The following CDKN2C variants were observed in gnomAD, a reference collection of about 807,000 sequenced individuals.
The protein encoded by CDKN2C is cyclin-dependent kinase 4 inhibitor C.
A neutral mutation model predicts 11.0 loss-of-function variants in CDKN2C; 5 were observed. The ratio of observed to expected loss-of-function variants is 0.45; its 90% CI spans 0.24 to 0.95. The LOEUF (loss-of-function observed/expected upper bound fraction) is 0.95, where lower values mean the gene tolerates loss of function less well. Ranked by LOEUF, CDKN2C falls within the 40% of genes least tolerant of loss-of-function variation. CDKN2C has a pLI of 0.21. For synonymous variants in CDKN2C, 79 were observed against 88.3 expected (o/e 0.89, Z 0.59); for missense variants, 161 against 211.9 (o/e 0.76, Z 1.49).
upstream of CDKN2C, among the ~76,000 whole-genome samples, chr1:50,966,307 T>C (rs990671693): frequency 2.6e-5 from 4 of 152,154 alleles, no homozygotes; most frequent in Non-Finnish European, 5.9e-5. Flanking sequence ...CCTCCCAAAA[T>C]GCTGGGATTA....
At chr1:50,970,071 G>A (rs1645371333), upstream of CDKN2C, 1 of 487,952 alleles carries the variant, frequency 2.0e-6, no homozygotes, top group Middle Eastern at 5.8e-4. Flanking sequence ...GAATGTATGT[G>A]TGTCTGTGTG....
upstream of CDKN2C, among the ~76,000 whole-genome samples, chr1:50,966,815 A>G (rs575813344): frequency 1.3e-4 from 19 of 151,848 alleles, no homozygotes; most frequent in Admixed American, 5.9e-4. Flanking sequence ...TGGGAAAAAA[A>G]TCAGAACTTT....
rs3176475 is a variant in CDKN2C at position 50,974,556 on chromosome 1, A to G, written c.*286A>G. On this transcript the variant is annotated 3_prime_UTR_variant, in exon 2 of 2. Transcript: ENST00000371761. Reference sequence around the variant, plus strand: ...CCTTGCTTCCCCTTTTGCCAATCTCAACACCCAAGTTGAAGACTTTGTTTT... The same window carrying G: ...CCTTGCTTCCCCTTTTGCCAATCTCGACACCCAAGTTGAAGACTTTGTTTT... The G allele has an allele frequency of 1.8e-3, 614 of 332,650 alleles. 1 individual carries two copies. The highest frequency in any genetic ancestry group is 9.2e-3 in the South Asian group (91 of 9,846). The allele number at this position is 332,650 out of a possible 1,614,324, so 20.6% of individuals were successfully genotyped here.
At chr1:50,967,112 T>A (rs970607044), upstream of CDKN2C, among the ~76,000 whole-genome samples, 1 of 152,248 alleles carries the variant, frequency 6.6e-6, no homozygotes, top group Non-Finnish European at 1.5e-5. Flanking sequence ...TAATAAATGC[T>A]AGAAGGCAAT....
intron 1 of CDKN2C, 117 bp from the exon 2 acceptor site, chr1:50,973,776 C>CCGCAAGAACTCCAT: frequency 7.8e-7 from 1 of 1,286,788 alleles, no homozygotes; most frequent in Non-Finnish European, 1.1e-6. Context: ...TATGGGTCTT[C>CCGCAAGAACTCCAT]CGCAAGAACT....
upstream of CDKN2C, among the ~76,000 whole-genome samples, chr1:50,966,262 C>T (rs966695753): frequency 2.3e-4 from 35 of 151,910 alleles, no homozygotes; most frequent in Non-Finnish European, 4.7e-4. Context: ...AGGCTGGTCT[C>T]GAACTCCTGA....
In CDKN2C at chr1:50,973,976, C is replaced by T. The variant is rs747613664; in HGVS notation, c.213C>T (p.Phe71=). 9 of 1,614,182 alleles carry T rather than the reference C, an allele frequency of 5.6e-6. No homozygotes were observed. Among genetic ancestry groups the T allele is most frequent in the South Asian group, 5.5e-5 (5 of 91,080 alleles). ...CCGATTTGAAAGACCGAACTGGTTT[C>T]GCTGTCATTCATGATGCGGCCAGAG... is the stretch of plus-strand genomic sequence containing the variant. ...ANPDLKDRTG[F]AVIHDAARAG... The change falls in exon 2 of 2, where the codon TTC becomes TTT. Residue 71 remains phenylalanine (F), a synonymous_variant. Coordinates refer to ENST00000371761, the MANE Select transcript of CDKN2C (RefSeq NM_078626.3).
At chr1:50,960,905 G>GA in intron 1 of CDKN2C, 1 of 151,772 alleles carries the variant, frequency 6.6e-6, no homozygotes, top group Non-Finnish European at 1.5e-5. Flanking sequence ...TCCAAAGGGG[G>GA]AAAAAAGGGA....
In CDKN2C at chr1:50,961,244, T is replaced by C. The variant is rs186206170; in HGVS notation, c.-1976+441T>C. Among the ~76,000 whole-genome samples, 241 of 152,336 alleles carry C rather than the reference T, an allele frequency of 1.6e-3. 3 individuals are homozygous for C. The highest frequency in any genetic ancestry group is 5.6e-3 in the African/African-American group (231 of 41,572). On this transcript the variant is annotated intron_variant, in intron 1 of 3. Transcript: ENST00000262662. ...TAGTAGAGACGGGGTTTCACTATGT[T>C]GGGCAAGCTGATCTCGAACTCCTGT... is the stretch of plus-strand genomic sequence containing the variant.
At chr1:50,961,401 T>C in intron 1 of CDKN2C, among the ~76,000 whole-genome samples, 1 of 152,218 alleles carries the variant, frequency 6.6e-6, no homozygotes, top group East Asian at 1.9e-4. Flanking sequence ...CAACCCATGG[T>C]CAGAAATTGA....
chr1:50,970,252 C>T lies in CDKN2C; in HGVS notation c.-117C>T. The T allele has an allele frequency of 7.8e-7, 1 of 1,281,550 alleles. No homozygotes were observed. Among genetic ancestry groups the T allele is most frequent in the South Asian group, 1.3e-5 (1 of 79,616 alleles). The allele number at this position is 1,281,550 out of a possible 1,614,324, so 79.4% of individuals were successfully genotyped here. A position where few individuals can be genotyped will look rare whatever the true frequency, so the allele number is the denominator to read the frequency against. On this transcript the variant is annotated 5_prime_UTR_variant, in exon 1 of 2. Coordinates refer to ENST00000371761, the MANE Select transcript of CDKN2C (RefSeq NM_078626.3). ...ACTACCAAGCTCTACTCCAGATTAA[C>T]CATCCCAGTCCTTCTGTCAGTCTCC...
intron 1 of CDKN2C, among the ~76,000 whole-genome samples, chr1:50,973,173 T>C (rs755139677): frequency 2.6e-5 from 4 of 152,220 alleles, no homozygotes; most frequent in Non-Finnish European, 5.9e-5. Context: ...TAATAATCAG[T>C]ACTGTTTTGT....
At chr1:50,970,838 A>G (rs182460411) in intron 1 of CDKN2C, among the ~76,000 whole-genome samples, 53 of 152,294 alleles carry the variant, frequency 3.5e-4, no homozygotes, top group Admixed American at 3.2e-3. Context: ...TAAACACATT[A>G]TTATGATTAT....
At chr1:50,971,284 A>T (rs1418731908) in intron 1 of CDKN2C, among the ~76,000 whole-genome samples, 2 of 152,258 alleles carry the variant, frequency 1.3e-5, no homozygotes, top group African/African-American at 4.8e-5. Flanking sequence ...AAATGACAAA[A>T]TAGTTTAAAA....
chr1:50,967,094 A>G (rs1371672159), upstream of CDKN2C, among the ~76,000 whole-genome samples: 2 of 152,232 alleles, frequency 1.3e-5, no homozygotes, highest in African/African-American at 4.8e-5. Context: ...TCTCTAAGCA[A>G]GAAACCATAA....
In CDKN2C at chr1:50,974,284, T is replaced by TC. The variant is rs34803100; in HGVS notation, c.*19dup. ...AATCTTCAATAAACGTGGGGAGGGC[T>TC]CCCCCACGTTGCCTCTACTTTATCA... On this transcript the variant is annotated 3_prime_UTR_variant, in exon 2 of 2. Coordinates refer to ENST00000371761, the MANE Select transcript of CDKN2C (RefSeq NM_078626.3). 4 of 1,532,262 alleles carry TC rather than the reference T, an allele frequency of 2.6e-6. No homozygotes were observed. The highest frequency in any genetic ancestry group is 2.1e-5 in the Admixed American group (1 of 46,942). The allele number at this position is 1,532,262 out of a possible 1,614,324, so 94.9% of individuals were successfully genotyped here.
Position 50,974,292 on chromosome 1 carries a change from G to T in CDKN2C, c.*22G>T. 1 of 1,528,116 alleles carries T rather than the reference G, an allele frequency of 6.5e-7. No homozygotes were observed. The allele number at this position is 1,528,116 out of a possible 1,614,324, so 94.7% of individuals were successfully genotyped here. A position where few individuals can be genotyped will look rare whatever the true frequency, so the allele number is the denominator to read the frequency against. ...ATAAACGTGGGGAGGGCTCCCCCAC[G>T]TTGCCTCTACTTTATCAATTAACTG... is the stretch of plus-strand genomic sequence containing the variant. On this transcript the variant is annotated 3_prime_UTR_variant, in exon 2 of 2. Coordinates refer to ENST00000371761, the MANE Select transcript of CDKN2C (RefSeq NM_078626.3).
At chr1:50,973,382 G>C (rs1645390425) in intron 1 of CDKN2C, among the ~76,000 whole-genome samples, 2 of 152,104 alleles carry the variant, frequency 1.3e-5, no homozygotes, top group Admixed American at 1.3e-4. Flanking sequence ...TCATGGAGTT[G>C]GTTTAGAGAA....
Position 50,974,392 on chromosome 1 carries a change from A to C in CDKN2C, c.*122A>C, listed in dbSNP as rs577218603. 1.1e-4 allele frequency: 105 copies of C among 981,696 alleles called. No individual in the cohort carries two copies. The highest frequency in any genetic ancestry group is 1.9e-4 in the Admixed American group (6 of 31,738). 60.8% of individuals were successfully genotyped at this position (981,696 alleles called of 1,614,324 possible). ...TATGTTAAGCAGCTAAATTTTCTGAAACTGCATAAGTGAAAATCTTACAAC... is the reference window on the plus strand; with the variant it reads ...TATGTTAAGCAGCTAAATTTTCTGACACTGCATAAGTGAAAATCTTACAAC... On this transcript the variant is annotated 3_prime_UTR_variant, in exon 2 of 2. Coordinates refer to ENST00000371761, the MANE Select transcript of CDKN2C (RefSeq NM_078626.3).
Sources: allele counts gnomAD v4.1 joint callset (sites outside exome capture counted in the v4.1 genomes callset), GRCh38; gene constraint gnomAD v4.1.1; transcripts MANE v1.5; gene names NCBI Gene and HGNC (gene_info 2026-07-23, HGNC 2026-07-21).